The following INTS15 variants were observed in gnomAD, a reference collection of about 807,000 sequenced individuals.
The protein encoded by INTS15 is integrator complex subunit 15.
chr7:6,602,406 G>T, the INTS15 span: 5 of 494,920 alleles, frequency 1.0e-5, no homozygotes, highest in East Asian at 3.7e-5. Flanking sequence ...TGAGTGGTGG[G>T]TGTGGCGCAG....
the INTS15 span, among the ~76,000 whole-genome samples, chr7:6,604,042 A>G: frequency 1.3e-5 from 2 of 152,138 alleles, no homozygotes; most frequent in Non-Finnish European, 2.9e-5. Flanking sequence ...CACTTAAACT[A>G]GTACTTGGCC....
At chr7:6,598,788 T>TGTGTGTGTGTGTG in the INTS15 span, among the ~76,000 whole-genome samples, 36 of 39,164 alleles carry the variant, frequency 9.2e-4, no homozygotes, top group African/African-American at 3.1e-3. Context: ...TGTGTGTGTA[T>TGTGTGTGTGTGTG]TTTTTTTTTT....
the INTS15 span, among the ~76,000 whole-genome samples, chr7:6,605,857 C>T: frequency 1.3e-5 from 2 of 152,074 alleles, no homozygotes; most frequent in Non-Finnish European, 2.9e-5. Flanking sequence ...TGCCACCACG[C>T]CCAGCTAATT....
the INTS15 span, among the ~76,000 whole-genome samples, chr7:6,604,577 G>A: frequency 6.6e-6 from 1 of 152,172 alleles, no homozygotes; most frequent in Non-Finnish European, 1.5e-5. Context: ...AGTGTGGACA[G>A]AGGGTCAGTG....
At chr7:6,607,443 G>C in the INTS15 span, 1 of 917,180 alleles carries the variant, frequency 1.1e-6, no homozygotes, top group South Asian at 1.4e-5. The surrounding 1 kb of genome is among the most constrained non-coding windows in gnomAD (Gnocchi z 6.0). Flanking sequence ...GCGGGGCGGG[G>C]TGGGAGGTGG....
chr7:6,601,261 C>T, the INTS15 span, among the ~76,000 whole-genome samples: 1 of 151,674 alleles, frequency 6.6e-6, no homozygotes, highest in Non-Finnish European at 1.5e-5. Context: ...TCTGCCTGTC[C>T]TTGTCCTTTT....
the INTS15 span, among the ~76,000 whole-genome samples, chr7:6,604,532 G>C: frequency 2.0e-5 from 3 of 152,276 alleles, no homozygotes; most frequent in South Asian, 4.1e-4. Flanking sequence ...TCTTTAGCAA[G>C]GAGAAGCAGG....
chr7:6,608,219 G>A, the INTS15 span: 1 of 1,530,124 alleles, frequency 6.5e-7, no homozygotes, highest in Non-Finnish European at 8.7e-7. Context: ...AGATGGAAGG[G>A]GTGGCCGGAC....
chr7:6,607,800 G>A, the INTS15 span: 2 of 1,487,566 alleles, frequency 1.3e-6, no homozygotes, highest in Admixed American at 4.4e-5. The surrounding 1 kb of genome is among the most constrained non-coding windows in gnomAD (Gnocchi z 6.0). Context: ...TCCTGGCTCT[G>A]CCACTGCTTC....
chr7:6,590,625 C>A, the INTS15 span: 51 of 1,383,380 alleles, frequency 3.7e-5, no homozygotes, highest in Non-Finnish European at 4.6e-5. Context: ...AGCCCCCAAA[C>A]CCTTCTCCGG....
the INTS15 span, among the ~76,000 whole-genome samples, chr7:6,598,629 C>A: frequency 6.6e-6 from 1 of 152,086 alleles, no homozygotes; most frequent in South Asian, 2.1e-4. Context: ...GGACGCCCTC[C>A]TGTGCACACA....
the INTS15 span, among the ~76,000 whole-genome samples, chr7:6,595,715 G>T: frequency 6.6e-6 from 1 of 152,030 alleles, no homozygotes; most frequent in African/African-American, 2.4e-5. Context: ...ATCTTGCTCT[G>T]TTGCACAGGC....
chr7:6,600,246 C>T, the INTS15 span: 14 of 1,614,168 alleles, frequency 8.7e-6, no homozygotes, highest in East Asian at 2.2e-5. Flanking sequence ...AACAGGTTGG[C>T]GGATGAACTG....
chr7:6,600,274 CCA>C, the INTS15 span: 1 of 1,614,200 alleles, frequency 6.2e-7, no homozygotes, highest in Non-Finnish European at 8.5e-7. Flanking sequence ...TCAACGCCTC[CCA>C]GGAGATTGAG....
the INTS15 span, among the ~76,000 whole-genome samples, chr7:6,600,888 C>T: frequency 6.6e-6 from 1 of 152,178 alleles, no homozygotes; most frequent in East Asian, 1.9e-4. Flanking sequence ...GGTGCCACCT[C>T]TACCATCCAA....
chr7:6,605,074 C>A, the INTS15 span, among the ~76,000 whole-genome samples: 1 of 152,092 alleles, frequency 6.6e-6, no homozygotes, highest in Admixed American at 6.5e-5. Flanking sequence ...CTCACTGCAA[C>A]CTCCGCGTCC....
chr7:6,597,905 A>G, the INTS15 span, among the ~76,000 whole-genome samples: 1 of 152,182 alleles, frequency 6.6e-6, no homozygotes, highest in Non-Finnish European at 1.5e-5. Flanking sequence ...ACAAAAAGGA[A>G]GATACCCACA....
chr7:6,597,278 G>A, the INTS15 span, among the ~76,000 whole-genome samples: 1 of 151,572 alleles, frequency 6.6e-6, no homozygotes, highest in Admixed American at 6.6e-5. Flanking sequence ...ACCCAGCTAT[G>A]GTATCATAGT....
the INTS15 span, chr7:6,602,744 A>T: frequency 2.1e-6 from 1 of 471,176 alleles, no homozygotes; most frequent in Non-Finnish European, 4.4e-6. Flanking sequence ...CCACAAACGC[A>T]GTCATCAGGT....
Sources: gnomAD v4.1 joint callset for allele counts (sites outside exome capture counted in the v4.1 genomes callset) on GRCh38, gnomAD v4.1.1 for gene constraint, Gnocchi (gnomAD v3.1) non-coding constraint, MANE v1.5 for transcripts, NCBI Gene and HGNC (gene_info 2026-07-23, HGNC 2026-07-21) for gene names.